WASHC4: variants seen among roughly 807,000 people sequenced by gnomAD.
WASHC4 encodes WASH complex subunit 7.
A neutral mutation model predicts 166.6 loss-of-function variants in WASHC4; 86 were observed. The ratio of observed to expected loss-of-function variants is 0.52; its 90% CI spans 0.43 to 0.62. The LOEUF is 0.62. Ranked by LOEUF, WASHC4 falls within the 20% of genes least tolerant of loss-of-function variation. WASHC4 has a pLI of 0.00. For synonymous variants in WASHC4, 446 were observed against 451.6 expected (o/e 0.99, Z 0.16); for missense variants, 1,262 against 1,382.4 (o/e 0.91, Z 1.38).
intron 5 of WASHC4, 96 bp downstream of exon 5, chr12:105,115,325 G>T: frequency 8.5e-6 from 7 of 819,250 alleles, no homozygotes; most frequent in Admixed American, 2.0e-5. Context: ...ATATAATAGT[G>T]TGAGAAAAAT....
intron 9 of WASHC4, 73 bp from the exon 10 acceptor site, chr12:105,122,045 C>A: frequency 8.7e-7 from 1 of 1,143,262 alleles, no homozygotes; most frequent in South Asian, 1.4e-5. Flanking sequence ...TTTTGACTTC[C>A]AGGAAAATTT....
intron 25 of WASHC4, among the ~76,000 whole-genome samples, chr12:105,151,996 A>G (rs920694454): frequency 3.3e-5 from 5 of 152,180 alleles, no homozygotes; most frequent in African/African-American, 7.2e-5. Context: ...CTAAGTCCCT[A>G]ATACCTATTC....
intron 1 of WASHC4, among the ~76,000 whole-genome samples, chr12:105,108,937 C>A (rs998944675): frequency 7.2e-5 from 11 of 152,138 alleles, no homozygotes; most frequent in Admixed American, 2.0e-4. Flanking sequence ...GTCAGGAGTT[C>A]AAGACCAGCC....
intron 12 of WASHC4, 106 bp downstream of exon 12, chr12:105,126,468 A>T: frequency 1.1e-6 from 1 of 914,884 alleles, no homozygotes; most frequent in East Asian, 2.6e-5. Context: ...AATAATTTAA[A>T]AGTATTCACT....
chr12:105,122,246 G>C lies in WASHC4; in HGVS notation c.786+8G>C, dbSNP rs151317315. ...GATGGAATGATATTCCAGGTAAGTA[G>C]GTCTGTATCAGACTGTAACAGTGGG... On this transcript the variant is annotated splice_region_variant and intron_variant, in intron 10 of 32. Coordinates refer to ENST00000332180, the MANE Select transcript of WASHC4 (RefSeq NM_015275.3). The C allele has an allele frequency of 2.1e-5, 34 of 1,611,476 alleles. No individual in the cohort carries two copies. The East Asian group carries it at 7.6e-4, about 36-fold the overall frequency.
chr12:105,153,009 C>T (rs1468972549), intron 26 of WASHC4, among the ~76,000 whole-genome samples: 1 of 152,104 alleles, frequency 6.6e-6, no homozygotes, highest in Non-Finnish European at 1.5e-5. Context: ...GAGCTTTTCA[C>T]ATACATTATA....
chr12:105,123,889 C>T (rs186203990), intron 10 of WASHC4, among the ~76,000 whole-genome samples: 28 of 152,190 alleles, frequency 1.8e-4, no homozygotes, highest in Admixed American at 1.7e-3. Context: ...TCTTAGGGCC[C>T]TTAAAAATTA....
At chr12:105,157,900 G>A (rs1461687217) in intron 28 of WASHC4, among the ~76,000 whole-genome samples, 1 of 87,294 alleles carries the variant, frequency 1.1e-5, no homozygotes. Context: ...TTGTGCATTT[G>A]TCCCATAACA....
At chr12:105,147,215 A>C (rs866667182) in intron 24 of WASHC4, 69 bp downstream of exon 24, 9 of 909,068 alleles carry the variant, frequency 9.9e-6, no homozygotes, top group Non-Finnish European at 1.7e-5. Flanking sequence ...TGGTTTTCTC[A>C]TAGAATATTG....
In WASHC4 at chr12:105,164,623, AT is replaced by A; in HGVS notation, c.3355-13del. ...TAAGTATTTTTGGTTTTTATTTCAA[AT>A]TTTTAAATTTACTTAGGAATTTGAA... On this transcript the variant is annotated splice_polypyrimidine_tract_variant and intron_variant, in intron 31 of 32. Transcript: ENST00000332180. The A allele has an allele frequency of 6.3e-7, 1 of 1,583,968 alleles. No individual in the cohort carries two copies. The highest frequency in any genetic ancestry group is 1.1e-5 in the South Asian group (1 of 89,394).
intron 27 of WASHC4, 66 bp from the exon 28 acceptor site, chr12:105,157,170 T>G: frequency 6.0e-6 from 5 of 836,248 alleles, no homozygotes; most frequent in Admixed American, 3.6e-5. Context: ...AGTACCACTT[T>G]TATATCTGTG....
chr12:105,163,671 A>C (rs1231009727), intron 30 of WASHC4, among the ~76,000 whole-genome samples: 1 of 151,816 alleles, frequency 6.6e-6, no homozygotes. Flanking sequence ...CTGGCTAATT[A>C]AAAAAATTTT....
chr12:105,147,440 T>C (rs1008365312), intron 24 of WASHC4: 10 of 407,906 alleles, frequency 2.5e-5, no homozygotes, highest in Admixed American at 2.0e-4. Flanking sequence ...TGCACACATA[T>C]ATATATGTTT....
chr12:105,165,628 T>A (rs1417087656), intron 32 of WASHC4, among the ~76,000 whole-genome samples: 2 of 152,164 alleles, frequency 1.3e-5, no homozygotes, highest in Non-Finnish European at 2.9e-5. Context: ...TTTATTAATC[T>A]TATTTTATGT....
chr12:105,133,146 CA>C (rs1172113549), intron 13 of WASHC4, among the ~76,000 whole-genome samples: 3 of 152,128 alleles, frequency 2.0e-5, no homozygotes, highest in Non-Finnish European at 4.4e-5. Context: ...CCTTCCCCAT[CA>C]CCCCACTCCC....
chr12:105,128,512 G>A (rs890905137), intron 13 of WASHC4, among the ~76,000 whole-genome samples: 3 of 152,140 alleles, frequency 2.0e-5, no homozygotes, highest in Non-Finnish European at 2.9e-5. Context: ...CCCAGGTTGT[G>A]GAAACTAGTT....
chr12:105,124,118 CTTT>C (rs544937988), intron 10 of WASHC4, among the ~76,000 whole-genome samples: 1 of 138,956 alleles, frequency 7.2e-6, no homozygotes, highest in African/African-American at 2.6e-5. Context: ...GTAAATATAA[CTTT>C]TTTTTTTTTT....
chr12:105,118,105 C>T (rs1402083576), intron 6 of WASHC4, among the ~76,000 whole-genome samples: 3 of 152,132 alleles, frequency 2.0e-5, no homozygotes, highest in Non-Finnish European at 2.9e-5. Context: ...TATTGAGAAG[C>T]AGTTGAGTGT....
Position 105,144,718 on chromosome 12 carries a change from C to A in WASHC4, c.2180C>A (p.Ala727Asp). Residue 727 changes from alanine (A) to aspartate (D), a missense_variant and splice_region_variant, in exon 22 of 33, where the codon GCT becomes GAT. Coordinates refer to ENST00000332180, the MANE Select transcript of WASHC4 (RefSeq NM_015275.3). ...AAGTTGAATTTTTTTTTTTTGGTAG[C>A]TTACGTAACTCACTACCTAGACAAG... ...RFFNRFIDIR[A>D]YVTHYLDKTF... 1 of 1,601,030 alleles carries A rather than the reference C, an allele frequency of 6.2e-7. No homozygotes were observed. The highest frequency in any genetic ancestry group is 8.5e-7 in the Non-Finnish European group (1 of 1,174,718).
Sources: allele counts gnomAD v4.1 joint callset (sites outside exome capture counted in the v4.1 genomes callset), GRCh38; gene constraint gnomAD v4.1.1; transcripts MANE v1.5; gene names NCBI Gene and HGNC (gene_info 2026-07-23, HGNC 2026-07-21).